Variants in HEMK2 observed in about 807,000 individuals in gnomAD.
HEMK2 encodes methyltransferase HEMK2.
chr21:28,813,989 G>T, the HEMK2 span, among the ~76,000 whole-genome samples: 2 of 152,138 alleles, frequency 1.3e-5, no homozygotes, highest in Admixed American at 1.3e-4. Flanking sequence ...CTTAATCACA[G>T]CACTTTGGGC....
chr21:28,794,798 G>A, the HEMK2 span, among the ~76,000 whole-genome samples: 1 of 152,204 alleles, frequency 6.6e-6, no homozygotes. Flanking sequence ...TGCGAAGGCT[G>A]TTTCTTTCCT....
the HEMK2 span, among the ~76,000 whole-genome samples, chr21:28,662,790 C>A: frequency 0.014 from 2,085 of 152,226 alleles, 28 homozygotes; most frequent in Non-Finnish European, 0.022. Flanking sequence ...GAGGCCTCCC[C>A]AGCCTTGCAG....
the HEMK2 span, among the ~76,000 whole-genome samples, chr21:28,877,212 A>AGAAGGAAG: frequency 7.8e-6 from 1 of 128,280 alleles, no homozygotes; most frequent in African/African-American, 2.9e-5. Context: ...GGGAAGGGAG[A>AGAAGGAAG]GAAAGGAAGG....
the HEMK2 span, among the ~76,000 whole-genome samples, chr21:28,576,974 G>A: frequency 6.6e-6 from 1 of 152,302 alleles, no homozygotes; most frequent in East Asian, 1.9e-4. Context: ...GCTTCCCAAA[G>A]TGCTGGGATT....
the HEMK2 span, among the ~76,000 whole-genome samples, chr21:28,763,931 C>T: frequency 1.3e-5 from 2 of 151,846 alleles, no homozygotes; most frequent in Non-Finnish European, 2.9e-5. Context: ...AGTCCTCAAC[C>T]GTGACTGAAA....
chr21:28,663,841 G>A, the HEMK2 span, among the ~76,000 whole-genome samples: 1 of 152,126 alleles, frequency 6.6e-6, no homozygotes, highest in Non-Finnish European at 1.5e-5. Context: ...TTATTCTGAG[G>A]GTTTGGCATT....
At chr21:28,686,822 A>G in the HEMK2 span, among the ~76,000 whole-genome samples, 1 of 152,236 alleles carries the variant, frequency 6.6e-6, no homozygotes, top group African/African-American at 2.4e-5. Flanking sequence ...CCTTAAAAAT[A>G]TCAGGTCAGG....
At chr21:28,583,671 T>C in the HEMK2 span, among the ~76,000 whole-genome samples, 1 of 152,220 alleles carries the variant, frequency 6.6e-6, no homozygotes, top group South Asian at 2.1e-4. Context: ...TGTACCATAA[T>C]TGGAAGTCTT....
the HEMK2 span, among the ~76,000 whole-genome samples, chr21:28,608,602 G>C: frequency 1.9e-4 from 29 of 152,296 alleles, no homozygotes; most frequent in African/African-American, 7.0e-4. Context: ...CTGTGAGACA[G>C]CTGAGGAACT....
At chr21:28,664,323 A>G in the HEMK2 span, among the ~76,000 whole-genome samples, 4 of 152,210 alleles carry the variant, frequency 2.6e-5, no homozygotes, top group African/African-American at 9.6e-5. Flanking sequence ...ATAAATAAAT[A>G]TATGTACATG....
chr21:28,651,038 G>A, the HEMK2 span, among the ~76,000 whole-genome samples: 3 of 152,172 alleles, frequency 2.0e-5, no homozygotes, highest in African/African-American at 7.2e-5. Flanking sequence ...AGAGGAGACC[G>A]TAGTTGGAAT....
chr21:28,633,794 G>A, the HEMK2 span, among the ~76,000 whole-genome samples: 1 of 152,186 alleles, frequency 6.6e-6, no homozygotes, highest in Non-Finnish European at 1.5e-5. Context: ...AAAGGTGTAA[G>A]TAAATAAGCA....
the HEMK2 span, among the ~76,000 whole-genome samples, chr21:28,649,301 A>G: frequency 2.6e-5 from 4 of 152,190 alleles, no homozygotes; most frequent in Non-Finnish European, 5.9e-5. Context: ...AAACCCATCT[A>G]GAAGGAAAGA....
At chr21:28,801,301 T>C in the HEMK2 span, among the ~76,000 whole-genome samples, 9 of 152,210 alleles carry the variant, frequency 5.9e-5, no homozygotes, top group Admixed American at 5.2e-4. Context: ...TAAAATAAAA[T>C]TGGATTCATA....
At chr21:28,882,355 G>T in the HEMK2 span, 10 of 572,298 alleles carry the variant, frequency 1.7e-5, no homozygotes, top group Non-Finnish European at 1.7e-5. Context: ...AACAGATTTA[G>T]AAAAAAAAAA....
the HEMK2 span, among the ~76,000 whole-genome samples, chr21:28,639,887 G>A: frequency 6.6e-6 from 1 of 152,114 alleles, no homozygotes; most frequent in Admixed American, 6.5e-5. Flanking sequence ...CAGTACAAAG[G>A]CATGCTAGGA....
At chr21:28,864,998 T>G in the HEMK2 span, among the ~76,000 whole-genome samples, 1 of 151,740 alleles carries the variant, frequency 6.6e-6, no homozygotes, top group African/African-American at 2.4e-5. Flanking sequence ...CCTTACCCTA[T>G]GCAGATATGT....
the HEMK2 span, among the ~76,000 whole-genome samples, chr21:28,802,922 T>C: frequency 4.6e-5 from 7 of 152,192 alleles, no homozygotes; most frequent in Non-Finnish European, 1.0e-4. Flanking sequence ...ATTTATACAC[T>C]AGATCATCTA....
chr21:28,863,410 T>TTA, the HEMK2 span, among the ~76,000 whole-genome samples: 11 of 38,980 alleles, frequency 2.8e-4, no homozygotes, highest in Admixed American at 4.0e-4. Context: ...AAACTCCCTT[T>TTA]TATATATATA....
Sources: gnomAD v4.1 joint callset for allele counts (sites outside exome capture counted in the v4.1 genomes callset) on GRCh38, gnomAD v4.1.1 for gene constraint, MANE v1.5 for transcripts, NCBI Gene and HGNC (gene_info 2026-07-23, HGNC 2026-07-21) for gene names.